The following RABGAP1L variants were observed in gnomAD, a reference collection of about 807,000 sequenced individuals.
The protein encoded by RABGAP1L is RAB GTPase activating protein 1 like.
Under a neutral mutation model 137.7 loss-of-function variants are expected in RABGAP1L, and 63 were observed. That is an observed-to-expected ratio of 0.46 (90% CI 0.37 to 0.56). The LOEUF (loss-of-function observed/expected upper bound fraction) is 0.56, where lower values mean the gene tolerates loss of function less well. RABGAP1L is among the 20% of genes least tolerant of loss of function. RABGAP1L has a pLI of 0.00. For synonymous variants in RABGAP1L, 431 were observed against 433.7 expected, an observed-to-expected ratio of 0.99 and a Z score of 0.08; for missense variants, 1,095 against 1,244.0, an observed-to-expected ratio of 0.88 and a Z score of 1.80.
At chr1:174,723,114 G>T (rs1303437116) in intron 17 of RABGAP1L, among the ~76,000 whole-genome samples, 2 of 152,052 alleles carry the variant, frequency 1.3e-5, no homozygotes, top group East Asian at 1.9e-4. Context: ...CGCTCTTGTT[G>T]CCCAGGCTGG....
At chr1:174,653,004 A>G (rs1221756605) in intron 14 of RABGAP1L, among the ~76,000 whole-genome samples, 1 of 152,116 alleles carries the variant, frequency 6.6e-6, no homozygotes, top group African/African-American at 2.4e-5. Flanking sequence ...CCTAGAGAGG[A>G]GGAATCTAGA....
At chr1:174,447,119 A>G (rs1373675149) in intron 13 of RABGAP1L, among the ~76,000 whole-genome samples, 1 of 152,216 alleles carries the variant, frequency 6.6e-6, no homozygotes, top group Non-Finnish European at 1.5e-5. Flanking sequence ...CCAAATTAAT[A>G]GCAAAAATAA....
chr1:174,536,724 T>G (rs926232322), intron 13 of RABGAP1L, among the ~76,000 whole-genome samples: 5 of 152,294 alleles, frequency 3.3e-5, no homozygotes, highest in Admixed American at 2.6e-4. Flanking sequence ...AAAATTTTTC[T>G]TAGTCATTTC....
intron 3 of RABGAP1L, among the ~76,000 whole-genome samples, chr1:174,229,201 G>A (rs12564858): frequency 0.089 from 13,597 of 152,222 alleles, 819 homozygotes; most frequent in East Asian, 0.22. Context: ...GACACTTGTT[G>A]TTGGTATGAG....
chr1:174,412,143 A>T (rs537547442), intron 13 of RABGAP1L, among the ~76,000 whole-genome samples: 1 of 152,000 alleles, frequency 6.6e-6, no homozygotes, highest in Admixed American at 6.6e-5. Flanking sequence ...ACTTGTTTAT[A>T]CCCCAAACTT....
At chr1:174,434,893 CAT>C (rs1188217668) in intron 13 of RABGAP1L, among the ~76,000 whole-genome samples, 1 of 152,134 alleles carries the variant, frequency 6.6e-6, no homozygotes. Context: ...CTTTGTTAGA[CAT>C]ATGTTTTGCT....
intron 3 of RABGAP1L, among the ~76,000 whole-genome samples, chr1:174,222,114 G>A (rs1669801187): frequency 6.6e-6 from 1 of 152,014 alleles, no homozygotes; most frequent in Non-Finnish European, 1.5e-5. Context: ...ACCAGTGCAA[G>A]CCATTGCACC....
intron 13 of RABGAP1L, among the ~76,000 whole-genome samples, chr1:174,477,253 T>C (rs1195764451): frequency 6.6e-6 from 1 of 152,224 alleles, no homozygotes; most frequent in African/African-American, 2.4e-5. Context: ...AACTAAAGTA[T>C]GTGAACAAAT....
chr1:174,618,145 A>T (rs1572540188), intron 13 of RABGAP1L, among the ~76,000 whole-genome samples: 1 of 152,144 alleles, frequency 6.6e-6, no homozygotes. Context: ...AGCGGCTGGG[A>T]AGCTCGAACT....
At chr1:174,687,612 C>T (rs1217572009) in intron 15 of RABGAP1L, among the ~76,000 whole-genome samples, 6 of 152,182 alleles carry the variant, frequency 3.9e-5, no homozygotes, top group East Asian at 3.9e-4. Context: ...TAGAAGAATA[C>T]GGACTGGTTT....
chr1:174,951,016 C>T (rs961823259), intron 19 of RABGAP1L, among the ~76,000 whole-genome samples: 12 of 152,184 alleles, frequency 7.9e-5, no homozygotes, highest in Non-Finnish European at 1.8e-4. Context: ...TAAAACTGAG[C>T]ACAGGAGAAA....
chr1:174,800,106 G>C, intron 18 of RABGAP1L: 1 of 1,342,222 alleles, frequency 7.5e-7, no homozygotes, highest in Non-Finnish European at 9.5e-7. Flanking sequence ...TTTTTATTTA[G>C]ATCAGTACTT....
In RABGAP1L at chr1:174,833,447, G is replaced by GATAT. The variant is rs1275423217; in HGVS notation, c.2340+21488_2340+21489insTATA. On this transcript the variant is annotated intron_variant, in intron 19 of 25. Transcript: ENST00000681986. ...GTATATATATATGTGTGTGTGTGTA[G>GATAT]AGATATATATATATATATATAGTAG... 5.2e-3 allele frequency among the ~76,000 whole-genome samples: 88 copies of GATAT among 16,972 alleles called. 11 individuals carry two copies. The highest frequency in any genetic ancestry group is 9.5e-3 in the Admixed American group (7 of 736). The allele number at this position is 16,972 out of a possible 152,430, so 11.1% of individuals were successfully genotyped here. A position where few individuals can be genotyped will look rare whatever the true frequency, so the allele number is the denominator to read the frequency against.
intron 19 of RABGAP1L, among the ~76,000 whole-genome samples, chr1:174,908,819 C>T (rs1419439851): frequency 6.7e-6 from 1 of 149,512 alleles, no homozygotes; most frequent in East Asian, 2.1e-4. Flanking sequence ...GCTGGGATTA[C>T]AGACGTCAGC....
At chr1:174,263,709 A>G (rs1673790935) in intron 7 of RABGAP1L, among the ~76,000 whole-genome samples, 1 of 150,620 alleles carries the variant, frequency 6.6e-6, no homozygotes. Context: ...TCTTTTATTT[A>G]CTTTTTTTTT....
intron 13 of RABGAP1L, among the ~76,000 whole-genome samples, chr1:174,551,342 A>G (rs1437617745): frequency 6.6e-6 from 1 of 152,148 alleles, no homozygotes; most frequent in African/African-American, 2.4e-5. Flanking sequence ...GAAATCATAT[A>G]GAGTATGTTG....
chr1:174,600,138 C>T (rs966041287), intron 13 of RABGAP1L, among the ~76,000 whole-genome samples: 7 of 152,134 alleles, frequency 4.6e-5, no homozygotes, highest in Non-Finnish European at 7.3e-5. Flanking sequence ...AGCAGAAACC[C>T]CTGATAAACC....
intron 17 of RABGAP1L, among the ~76,000 whole-genome samples, chr1:174,749,151 G>C (rs918547041): frequency 5.4e-5 from 8 of 148,730 alleles, no homozygotes; most frequent in African/African-American, 2.0e-4. Flanking sequence ...ACTCTAGCCT[G>C]GGCGACAGAG....
intron 13 of RABGAP1L, among the ~76,000 whole-genome samples, chr1:174,432,124 C>T (rs1025319478): frequency 6.6e-6 from 1 of 152,150 alleles, no homozygotes. Context: ...CTTCCTAACT[C>T]TATTAGTTCC....
Sources: gnomAD v4.1 joint callset for allele counts (sites outside exome capture counted in the v4.1 genomes callset) on GRCh38, gnomAD v4.1.1 for gene constraint, MANE v1.5 for transcripts, NCBI Gene and HGNC (gene_info 2026-07-23, HGNC 2026-07-21) for gene names.